ACTL8: variants seen among roughly 807,000 people sequenced by gnomAD.
ACTL8 encodes the protein actin like 8.
Under a neutral mutation model 9.3 loss-of-function variants are expected in ACTL8, and 3 were observed. That is an observed-to-expected ratio of 0.32 (90% CI 0.15 to 0.83). The LOEUF is 0.83. Among genes scored for constraint, ACTL8 ranks in the 40% least tolerant of loss-of-function variants. The probability of loss-of-function intolerance (pLI) is 0.57; values close to 1 mark genes in which losing one functional copy is unlikely to be tolerated. For synonymous variants in ACTL8, 224 were observed against 205.9 expected, an observed-to-expected ratio of 1.09 and a Z score of -0.75; for missense variants, 381 against 492.2, an observed-to-expected ratio of 0.77 and a Z score of 2.14.
intron 1 of ACTL8, among the ~76,000 whole-genome samples, chr1:17,817,663 A>G (rs928564114): frequency 6.6e-6 from 1 of 151,008 alleles, no homozygotes; most frequent in Non-Finnish European, 1.5e-5. Flanking sequence ...ACATCTCTTC[A>G]TGACCACTTC....
intron 1 of ACTL8, among the ~76,000 whole-genome samples, chr1:17,806,269 A>G (rs1394683898): frequency 2.0e-5 from 3 of 152,326 alleles, no homozygotes; most frequent in Non-Finnish European, 2.9e-5. Context: ...CAATCAATCA[A>G]GCCTTCCTGC....
At chr1:17,795,143 G>A (rs1570022518) in intron 1 of ACTL8, among the ~76,000 whole-genome samples, 1 of 152,376 alleles carries the variant, frequency 6.6e-6, no homozygotes, top group East Asian at 1.9e-4. Flanking sequence ...TCGCACTGCT[G>A]TGTAATAGCT....
chr1:17,768,745 C>T (rs961453216), intron 1 of ACTL8, among the ~76,000 whole-genome samples: 2 of 151,992 alleles, frequency 1.3e-5, no homozygotes, highest in Admixed American at 6.6e-5. Context: ...ACTGCAGGGG[C>T]GAAGGCCTGG....
chr1:17,812,555 A>G (rs2066400545), intron 1 of ACTL8, among the ~76,000 whole-genome samples: 1 of 149,748 alleles, frequency 6.7e-6, no homozygotes, highest in Non-Finnish European at 1.5e-5. Context: ...TCAGCCTCCC[A>G]AGAAGCTGCG....
At chr1:17,818,394 T>C (rs2066443206) in intron 1 of ACTL8, among the ~76,000 whole-genome samples, 1 of 152,218 alleles carries the variant, frequency 6.6e-6, no homozygotes, top group Non-Finnish European at 1.5e-5. Flanking sequence ...TTGGCCGAAG[T>C]GATCCTTTCA....
intron 1 of ACTL8, among the ~76,000 whole-genome samples, chr1:17,763,711 A>AG (rs1023089016): frequency 2.0e-5 from 3 of 152,214 alleles, no homozygotes; most frequent in African/African-American, 7.2e-5. Context: ...CACCTAGGGC[A>AG]GGGGAAGGCT....
rs144827725 is a variant in ACTL8 at position 17,777,404 on chromosome 1, C to A, written c.-25+21900C>A. On this transcript the variant is annotated intron_variant, in intron 1 of 2. Coordinates refer to ENST00000375406, the MANE Select transcript of ACTL8 (RefSeq NM_030812.3). ...TTCATCCCTCAGCCCCAGGCTCATG[C>A]TGTTCCCACTTGGAAGCGTGTCCCC... 2.3e-3 allele frequency among the ~76,000 whole-genome samples: 352 copies of A among 152,278 alleles called. 3 individuals are homozygous for A. Among genetic ancestry groups the A allele is most frequent in the African/African-American group, 7.2e-3 (299 of 41,564 alleles).
chr1:17,809,345 C>T (rs1347423041), intron 1 of ACTL8, among the ~76,000 whole-genome samples: 1 of 152,172 alleles, frequency 6.6e-6, no homozygotes, highest in African/African-American at 2.4e-5. Context: ...CTCACTCAAG[C>T]TAAATAAGAG....
At chr1:17,764,249 G>A (rs978310292) in intron 1 of ACTL8, among the ~76,000 whole-genome samples, 2 of 152,142 alleles carry the variant, frequency 1.3e-5, no homozygotes, top group East Asian at 3.9e-4. Flanking sequence ...GTATCCTGCA[G>A]TGCACAGGCC....
chr1:17,782,417 A>G (rs182589334), intron 1 of ACTL8, among the ~76,000 whole-genome samples: 2 of 152,216 alleles, frequency 1.3e-5, no homozygotes, highest in Admixed American at 6.5e-5. Context: ...ATATCTGTCC[A>G]TGGTAGGAAA....
chr1:17,761,453 C>T (rs2066003029), intron 1 of ACTL8, among the ~76,000 whole-genome samples: 1 of 152,122 alleles, frequency 6.6e-6, no homozygotes, highest in South Asian at 2.1e-4. Context: ...TTGGCACAGA[C>T]TCTGTGTGAT....
chr1:17,781,466 T>A (rs897117286), intron 1 of ACTL8, among the ~76,000 whole-genome samples: 22 of 152,162 alleles, frequency 1.4e-4, no homozygotes, highest in Non-Finnish European at 3.1e-4. Context: ...CTTGAACTCC[T>A]GACCTCAGGT....
At chr1:17,760,117 G>A (rs1437085050) in intron 1 of ACTL8, among the ~76,000 whole-genome samples, 2 of 152,136 alleles carry the variant, frequency 1.3e-5, no homozygotes, top group African/African-American at 4.8e-5. Context: ...GAGTGGATGG[G>A]CTTTTTTGTG....
intron 1 of ACTL8, among the ~76,000 whole-genome samples, chr1:17,811,929 C>A (rs1438319200): frequency 6.7e-6 from 1 of 149,948 alleles, no homozygotes; most frequent in East Asian, 2.0e-4. Context: ...GTGCAATGAT[C>A]TGATGTCAGC....
chr1:17,809,391 G>A (rs11804887), intron 1 of ACTL8, among the ~76,000 whole-genome samples: 3,500 of 152,212 alleles, frequency 0.023, 126 homozygotes, highest in African/African-American at 0.077. Flanking sequence ...CTAGCCGGGG[G>A]TTCCACACAG....
chr1:17,807,767 TCTCA>T (rs2066368658), intron 1 of ACTL8, among the ~76,000 whole-genome samples: 1 of 151,680 alleles, frequency 6.6e-6, no homozygotes, highest in Non-Finnish European at 1.5e-5. Context: ...CACCACACGT[TCTCA>T]CTCATAAGTG....
chr1:17,786,032 T>G (rs1338642809), intron 1 of ACTL8, among the ~76,000 whole-genome samples: 1 of 152,226 alleles, frequency 6.6e-6, no homozygotes, highest in East Asian at 1.9e-4. Context: ...AGCCTATTTC[T>G]GGCTCTTGGC....
At chr1:17,801,155 A>G (rs984285660) in intron 1 of ACTL8, among the ~76,000 whole-genome samples, 1 of 152,198 alleles carries the variant, frequency 6.6e-6, no homozygotes, top group African/African-American at 2.4e-5. Context: ...GGTGCTTTGT[A>G]AATATTTACT....
chr1:17,817,544 T>C (rs1036596619), intron 1 of ACTL8, among the ~76,000 whole-genome samples: 2 of 152,140 alleles, frequency 1.3e-5, no homozygotes, highest in African/African-American at 2.4e-5. Context: ...CCCTCTGGGT[T>C]TCTTGCCCTC....
Sources: gnomAD v4.1 joint callset for allele counts (sites outside exome capture counted in the v4.1 genomes callset) on GRCh38, gnomAD v4.1.1 for gene constraint, MANE v1.5 for transcripts, NCBI Gene and HGNC (gene_info 2026-07-23, HGNC 2026-07-21) for gene names.